Variants in FSTL5 observed in about 807,000 individuals in gnomAD.
FSTL5 encodes the protein follistatin-related protein 5.
Under a neutral mutation model 89.1 loss-of-function variants are expected in FSTL5, and 62 were observed. That is an observed-to-expected ratio of 0.70 (90% CI 0.57 to 0.86). The LOEUF is 0.86. Ranked by LOEUF, FSTL5 falls within the 40% of genes least tolerant of loss-of-function variation. The pLI is 0.00. For missense variants in FSTL5, 1,057 were observed against 1,001.6 expected (o/e 1.06, Z -0.75); for synonymous variants, 383 against 346.2 (o/e 1.11, Z -1.18).
intron 4 of FSTL5, among the ~76,000 whole-genome samples, chr4:161,915,035 A>T (rs1437816348): frequency 6.6e-6 from 1 of 152,188 alleles, no homozygotes; most frequent in East Asian, 1.9e-4. Context: ...AGGCAGACAT[A>T]TTTGGAACAA....
At chr4:161,820,015 T>G (rs987741130) in intron 4 of FSTL5, among the ~76,000 whole-genome samples, 2 of 152,130 alleles carry the variant, frequency 1.3e-5, no homozygotes, top group African/African-American at 2.4e-5. Context: ...TTCTTTAAAC[T>G]TTTACTTTAT....
intron 8 of FSTL5, among the ~76,000 whole-genome samples, chr4:161,558,660 C>T (rs1732479499): frequency 1.3e-5 from 2 of 151,822 alleles, no homozygotes; most frequent in Non-Finnish European, 2.9e-5. Context: ...TGCTATTCCA[C>T]ACTATTAGTG....
At chr4:162,010,309 G>A (rs1031872090) in intron 3 of FSTL5, among the ~76,000 whole-genome samples, 2 of 151,936 alleles carry the variant, frequency 1.3e-5, no homozygotes, top group African/African-American at 2.4e-5. Context: ...TAAAAAGCAC[G>A]CTCACTTAAG....
chr4:162,146,974 G>A (rs1344158806), intron 1 of FSTL5, among the ~76,000 whole-genome samples: 4 of 151,878 alleles, frequency 2.6e-5, no homozygotes, highest in Non-Finnish European at 5.9e-5. Context: ...TAGAGATGAG[G>A]TTTCACCATG....
At chr4:161,876,074 A>G (rs1732432660) in intron 4 of FSTL5, among the ~76,000 whole-genome samples, 1 of 152,238 alleles carries the variant, frequency 6.6e-6, no homozygotes, top group Non-Finnish European at 1.5e-5. Context: ...AAAATTTGTT[A>G]TACATTTGTT....
At position 161,903,153 on chromosome 4, in the gene FSTL5, T is replaced by C. The variant is rs948579778; in HGVS notation, c.409+17251A>G. Among the ~76,000 whole-genome samples the C allele has an allele frequency of 4.6e-5, 7 of 152,266 alleles. No homozygotes were observed. The South Asian group carries it at 1.2e-3, about 27-fold the overall frequency. ...ATCTAAGCTTTAACATTTTTTTTCA[T>C]GTCATCCATTCATTTTTTTCAGCTA... is the stretch of plus-strand genomic sequence containing the variant. On this transcript the variant is annotated intron_variant, in intron 4 of 15. Coordinates refer to ENST00000306100, the MANE Select transcript of FSTL5 (RefSeq NM_020116.5).
chr4:162,132,960 TG>T (rs1244874809), intron 1 of FSTL5, among the ~76,000 whole-genome samples: 1 of 152,234 alleles, frequency 6.6e-6, no homozygotes, highest in African/African-American at 2.4e-5. Flanking sequence ...TTTCTTTTTT[TG>T]AGACGGAGTC....
At chr4:161,639,831 T>C (rs1449405943) in intron 7 of FSTL5, among the ~76,000 whole-genome samples, 1 of 152,198 alleles carries the variant, frequency 6.6e-6, no homozygotes, top group Non-Finnish European at 1.5e-5. Flanking sequence ...TGAATCGTGC[T>C]TCTGATCCCA....
At chr4:161,577,110 A>G (rs962625054) in intron 8 of FSTL5, among the ~76,000 whole-genome samples, 28 of 152,198 alleles carry the variant, frequency 1.8e-4, no homozygotes, top group African/African-American at 6.3e-4. Flanking sequence ...TTCTTGTTCT[A>G]GTGAGTATTT....
chr4:161,604,671 T>C (rs1188800794), intron 7 of FSTL5, among the ~76,000 whole-genome samples: 1 of 152,160 alleles, frequency 6.6e-6, no homozygotes, highest in African/African-American at 2.4e-5. Flanking sequence ...ACATTTTTAA[T>C]GGGAGATGCC....
At chr4:161,712,538 G>A (rs1432383616) in intron 6 of FSTL5, among the ~76,000 whole-genome samples, 1 of 152,144 alleles carries the variant, frequency 6.6e-6, no homozygotes, top group East Asian at 1.9e-4. Flanking sequence ...TCAATGCAAA[G>A]TAGTTGCCTA....
intron 8 of FSTL5, among the ~76,000 whole-genome samples, chr4:161,563,490 G>C (rs1449222361): frequency 6.6e-6 from 1 of 151,852 alleles, no homozygotes; most frequent in African/African-American, 2.4e-5. Context: ...AGTGGTCATT[G>C]TACTTCAAAG....
chr4:161,746,817 T>A (rs2126777397), intron 6 of FSTL5, among the ~76,000 whole-genome samples: 1 of 152,000 alleles, frequency 6.6e-6, no homozygotes, highest in Non-Finnish European at 1.5e-5. Context: ...CCCTTCCTCC[T>A]AAGCCTCTTT....
At chr4:161,716,331 C>T (rs1211006193) in intron 6 of FSTL5, among the ~76,000 whole-genome samples, 2 of 152,106 alleles carry the variant, frequency 1.3e-5, no homozygotes, top group Non-Finnish European at 2.9e-5. Flanking sequence ...GGCGCAGTGG[C>T]TCACACCCTA....
chr4:162,132,947 T>C (rs1682634197), intron 1 of FSTL5, among the ~76,000 whole-genome samples: 1 of 152,184 alleles, frequency 6.6e-6, no homozygotes, highest in African/African-American at 2.4e-5. Flanking sequence ...AATGTAATTT[T>C]TTTTTCTTTT....
At chr4:162,124,549 C>T (rs1175496853) in intron 1 of FSTL5, among the ~76,000 whole-genome samples, 1 of 152,040 alleles carries the variant, frequency 6.6e-6, no homozygotes, top group Non-Finnish European at 1.5e-5. Context: ...TTCTTCTGGG[C>T]AGAGGATGAG....
chr4:161,519,652 C>A (rs993674988), intron 10 of FSTL5, among the ~76,000 whole-genome samples: 2 of 152,132 alleles, frequency 1.3e-5, no homozygotes, highest in African/African-American at 4.8e-5. Flanking sequence ...ACATACTAAG[C>A]CCACCGCTGT....
In FSTL5 at chr4:161,442,176, G is replaced by A. The variant is rs570161136; in HGVS notation, c.1841+12828C>T. On this transcript the variant is annotated intron_variant, in intron 15 of 15. Coordinates refer to ENST00000306100, the MANE Select transcript of FSTL5 (RefSeq NM_020116.5). ...TTTTTTTTTTTTCATTCCCTCAGCA[G>A]AGGCCAAAAACCACCTTCAGTTTGG... Among the ~76,000 whole-genome samples, 23 of 143,038 alleles carry A rather than the reference G, an allele frequency of 1.6e-4. No homozygotes were observed. In the South Asian group the frequency reaches 4.9e-3, roughly 30 times the overall value. The allele number at this position is 143,038 out of a possible 152,430, so 93.8% of individuals were successfully genotyped here.
At chr4:161,630,449 T>G (rs1735466927) in intron 7 of FSTL5, among the ~76,000 whole-genome samples, 1 of 152,246 alleles carries the variant, frequency 6.6e-6, no homozygotes, top group Non-Finnish European at 1.5e-5. Flanking sequence ...GAGCCTTTCT[T>G]GTTTGTGAAG....
Sources: allele counts gnomAD v4.1 joint callset (sites outside exome capture counted in the v4.1 genomes callset), GRCh38; gene constraint gnomAD v4.1.1; transcripts MANE v1.5; gene names NCBI Gene and HGNC (gene_info 2026-07-23, HGNC 2026-07-21).